The following PGM5 variants were observed in gnomAD, a reference collection of about 807,000 sequenced individuals.
PGM5 encodes the protein phosphoglucomutase-like protein 5.
A neutral mutation model predicts 59.2 loss-of-function variants in PGM5; 23 were observed. The observed-to-expected ratio is 0.39, with a 90% confidence interval of 0.28 to 0.55. PGM5 has a LOEUF of 0.55. Ranked by LOEUF, PGM5 falls within the 20% of genes least tolerant of loss-of-function variation. The pLI is 0.66. For missense variants in PGM5, 574 were observed against 748.3 expected (o/e 0.77, Z 2.72); for synonymous variants, 214 against 286.0 (o/e 0.75, Z 2.54).
At chr9:68,424,854 A>T (rs947275926) in intron 6 of PGM5, among the ~76,000 whole-genome samples, 1 of 152,110 alleles carries the variant, frequency 6.6e-6, no homozygotes, top group East Asian at 1.9e-4. Flanking sequence ...GATTTTAAAG[A>T]ACGCTTGCAA....
intron 10 of PGM5, among the ~76,000 whole-genome samples, chr9:68,508,236 A>C (rs1425626876): frequency 6.6e-6 from 1 of 152,190 alleles, no homozygotes; most frequent in African/African-American, 2.4e-5. Context: ...GAATACCGGC[A>C]TTGCCAGCTT....
intron 9 of PGM5, among the ~76,000 whole-genome samples, chr9:68,489,792 G>A (rs1290545796): frequency 6.6e-6 from 1 of 152,150 alleles, no homozygotes; most frequent in Non-Finnish European, 1.5e-5. Flanking sequence ...GAAGTCATTT[G>A]CAAGTCACAG....
intron 6 of PGM5, among the ~76,000 whole-genome samples, chr9:68,449,009 A>C (rs1218219790): frequency 2.6e-5 from 4 of 152,250 alleles, no homozygotes; most frequent in African/African-American, 7.2e-5. Context: ...GAGGCTGGGA[A>C]GTCCAAGATC....
intron 6 of PGM5, among the ~76,000 whole-genome samples, chr9:68,431,564 G>A (rs1399515503): frequency 1.3e-5 from 2 of 151,882 alleles, no homozygotes; most frequent in Non-Finnish European, 2.9e-5. Context: ...CTTTCCAAAA[G>A]AGGCAACCTG....
At chr9:68,395,890 G>T (rs1191874252) in intron 6 of PGM5, 2 of 151,562 alleles carry the variant, frequency 1.3e-5, no homozygotes, top group East Asian at 1.9e-4. Context: ...TAAAATTCTT[G>T]CCTAGCAGCA....
intron 8 of PGM5, among the ~76,000 whole-genome samples, 188 bp downstream of exon 8, chr9:68,479,741 C>A (rs559396312): frequency 1.3e-5 from 2 of 152,022 alleles, no homozygotes; most frequent in African/African-American, 4.8e-5. Flanking sequence ...GAGACCATCC[C>A]GGCTAAAACG....
intron 7 of PGM5, chr9:68,466,270 GTTTTT>G: frequency 5.4e-6 from 3 of 558,446 alleles, no homozygotes; most frequent in Non-Finnish European, 6.9e-6. Context: ...GATACTGTGT[GTTTTT>G]TTTTTTTTTT....
chr9:68,395,058 C>T (rs1554679852), intron 6 of PGM5, among the ~76,000 whole-genome samples: 1 of 152,048 alleles, frequency 6.6e-6, no homozygotes, highest in Non-Finnish European at 1.5e-5. Context: ...ATTTTTGCTT[C>T]CTCCAAGGTC....
At chr9:68,511,514 T>A (rs1554689346) in intron 10 of PGM5, among the ~76,000 whole-genome samples, 1 of 151,424 alleles carries the variant, frequency 6.6e-6, no homozygotes, top group Non-Finnish European at 1.5e-5. Flanking sequence ...GTTCAATAAA[T>A]GTTGATTGTC....
At chr9:68,362,750 C>A (rs1554676352) in intron 1 of PGM5, among the ~76,000 whole-genome samples, 1 of 151,958 alleles carries the variant, frequency 6.6e-6, no homozygotes, top group Non-Finnish European at 1.5e-5. Flanking sequence ...ACACCTAAGG[C>A]AATTTCTTTT....
intron 6 of PGM5, among the ~76,000 whole-genome samples, chr9:68,445,109 A>G (rs1274131263): frequency 6.6e-6 from 1 of 151,796 alleles, no homozygotes; most frequent in East Asian, 1.9e-4. Flanking sequence ...TTAGCTGAGT[A>G]TAAAACTGTG....
intron 1 of PGM5, among the ~76,000 whole-genome samples, chr9:68,371,906 G>A (rs1190570102): frequency 2.6e-5 from 4 of 152,168 alleles, no homozygotes; most frequent in East Asian, 1.9e-4. Flanking sequence ...ACACAAGCTC[G>A]GAAATATGTG....
intron 10 of PGM5, among the ~76,000 whole-genome samples, chr9:68,504,407 C>T (rs1554688865): frequency 6.6e-6 from 1 of 152,218 alleles, no homozygotes; most frequent in Non-Finnish European, 1.5e-5. Flanking sequence ...TTACCATGAT[C>T]TTGAATGACA....
intron 3 of PGM5, among the ~76,000 whole-genome samples, chr9:68,387,163 T>C (rs1249036744): frequency 1.3e-5 from 2 of 151,872 alleles, no homozygotes; most frequent in African/African-American, 4.8e-5. Flanking sequence ...GGAGCAGGAG[T>C]AACAGGGCAC....
At chr9:68,451,212 T>G (rs1554684304) in intron 6 of PGM5, among the ~76,000 whole-genome samples, 1 of 152,124 alleles carries the variant, frequency 6.6e-6, no homozygotes, top group African/African-American at 2.4e-5. Flanking sequence ...TGAAAACAAT[T>G]ATAAGCTCCA....
rs184336765 is a variant in PGM5, at chr9:68,457,693, T to C, written c.1044-7400T>C. Among the ~76,000 whole-genome samples the C allele has an allele frequency of 2.7e-4, 41 of 152,354 alleles. No individual in the cohort carries two copies. In the East Asian group the frequency reaches 7.1e-3, roughly 27 times the overall value. Reference sequence around the variant, plus strand: ...TTAAGAGACATAAAAAGCTTTGTTTTACAGAAATGCTTTATCTCCTGGGTT... The same window carrying C: ...TTAAGAGACATAAAAAGCTTTGTTTCACAGAAATGCTTTATCTCCTGGGTT... On this transcript the variant is annotated intron_variant, in intron 6 of 10. Transcript: ENST00000396396.
At chr9:68,518,714 C>T (rs1483728731) in intron 10 of PGM5, among the ~76,000 whole-genome samples, 5 of 152,134 alleles carry the variant, frequency 3.3e-5, no homozygotes, top group African/African-American at 1.2e-4. Flanking sequence ...TTATGATTTG[C>T]AGAACAAAGA....
chr9:68,527,730 A>G (rs998612884), intron 10 of PGM5, among the ~76,000 whole-genome samples: 3 of 141,296 alleles, frequency 2.1e-5, no homozygotes, highest in African/African-American at 7.9e-5. Flanking sequence ...TCCAGCTTCC[A>G]GGAGTCTATG....
At chr9:68,386,486 A>C (rs868968527) in intron 3 of PGM5, among the ~76,000 whole-genome samples, 61 of 152,352 alleles carry the variant, frequency 4.0e-4, no homozygotes, top group Middle Eastern at 3.4e-3. Context: ...ATTATATGGC[A>C]TATTAAGATC....
Sources: gnomAD v4.1 joint callset for allele counts (sites outside exome capture counted in the v4.1 genomes callset) on GRCh38, gnomAD v4.1.1 for gene constraint, MANE v1.5 for transcripts, NCBI Gene and HGNC (gene_info 2026-07-23, HGNC 2026-07-21) for gene names.